The following ZBTB44 variants were observed in gnomAD, a reference collection of about 807,000 sequenced individuals.
ZBTB44 encodes zinc finger and BTB domain containing 44.
Under a neutral mutation model 54.0 loss-of-function variants are expected in ZBTB44, and 15 were observed. That is an observed-to-expected ratio of 0.28 (90% CI 0.19 to 0.43). ZBTB44 has a LOEUF of 0.43. Among genes scored for constraint, ZBTB44 ranks in the 20% least tolerant of loss-of-function variants. The pLI, the probability that ZBTB44 is intolerant of heterozygous loss-of-function variation, is 1.00. For missense variants in ZBTB44, 487 were observed against 707.1 expected, an observed-to-expected ratio of 0.69 and a Z score of 3.53; for synonymous variants, 230 against 250.1, an observed-to-expected ratio of 0.92 and a Z score of 0.76.
At chr11:130,312,928 A>T (rs1942706279) in intron 1 of ZBTB44, among the ~76,000 whole-genome samples, 1 of 152,216 alleles carries the variant, frequency 6.6e-6, no homozygotes. Context: ...ACTTTCAAAT[A>T]ATTACACACA....
chr11:130,312,624 G>A (rs1333609098), intron 1 of ZBTB44, among the ~76,000 whole-genome samples: 2 of 152,090 alleles, frequency 1.3e-5, no homozygotes, highest in Non-Finnish European at 2.9e-5. Flanking sequence ...AAAAAAAGAA[G>A]GGAGGGAATA....
intron 1 of ZBTB44, chr11:130,296,750 T>A: frequency 1.2e-6 from 1 of 834,018 alleles, no homozygotes; most frequent in Non-Finnish European, 2.1e-6. Flanking sequence ...AGAAATTGAT[T>A]GAAAAGAACT....
intron 2 of ZBTB44, among the ~76,000 whole-genome samples, chr11:130,248,088 A>G (rs983643545): frequency 2.0e-5 from 3 of 152,228 alleles, no homozygotes; most frequent in Admixed American, 2.0e-4. Context: ...TACACTAAAC[A>G]TTATATTTTC....
intron 1 of ZBTB44, chr11:130,296,747 G>A (rs188759989): frequency 8.1e-6 from 7 of 860,992 alleles, no homozygotes; most frequent in Non-Finnish European, 1.4e-5. Context: ...TTGAGAAATT[G>A]ATTGAAAAGA....
chr11:130,290,473 A>G (rs899352929), intron 1 of ZBTB44, among the ~76,000 whole-genome samples: 1 of 152,210 alleles, frequency 6.6e-6, no homozygotes, highest in African/African-American at 2.4e-5. Flanking sequence ...CCTGGTCACC[A>G]AGACCTATCT....
At chr11:130,246,218 A>T (rs1954638553) in intron 2 of ZBTB44, among the ~76,000 whole-genome samples, 1 of 152,222 alleles carries the variant, frequency 6.6e-6, no homozygotes, top group Admixed American at 6.5e-5. Context: ...AACACAAGTA[A>T]TCATATGAAT....
chr11:130,275,966 C>T (rs1250577500), intron 1 of ZBTB44, among the ~76,000 whole-genome samples: 2 of 151,226 alleles, frequency 1.3e-5, no homozygotes, highest in East Asian at 2.0e-4. Context: ...GTGGCTCACG[C>T]CTGTAATCCC....
chr11:130,264,671 T>C (rs1384979343), intron 1 of ZBTB44, among the ~76,000 whole-genome samples: 1 of 152,184 alleles, frequency 6.6e-6, no homozygotes, highest in Non-Finnish European at 1.5e-5. Flanking sequence ...TTCTCTACCA[T>C]ATATTTATCA....
intron 1 of ZBTB44, chr11:130,295,811 T>C: frequency 7.2e-7 from 1 of 1,393,074 alleles, no homozygotes; most frequent in Non-Finnish European, 1.0e-6. Flanking sequence ...TGCGGAGTCC[T>C]TGTTCTCTCA....
chr11:130,257,832 G>C (rs1415648775), intron 2 of ZBTB44, among the ~76,000 whole-genome samples: 1 of 152,058 alleles, frequency 6.6e-6, no homozygotes, highest in Non-Finnish European at 1.5e-5. Flanking sequence ...CCTGAATATA[G>C]GTATTCCCCA....
At chr11:130,275,418 A>G (rs188399179) in intron 1 of ZBTB44, among the ~76,000 whole-genome samples, 18 of 152,290 alleles carry the variant, frequency 1.2e-4, no homozygotes, top group African/African-American at 3.6e-4. Flanking sequence ...GGCTCAAGCG[A>G]TTCTCCTGCC....
At chr11:130,276,923 TAA>T (rs1488115126) in intron 1 of ZBTB44, among the ~76,000 whole-genome samples, 1 of 152,248 alleles carries the variant, frequency 6.6e-6, no homozygotes. Context: ...CTTTTTGTTA[TAA>T]AGTCTATTTG....
intron 2 of ZBTB44, among the ~76,000 whole-genome samples, chr11:130,241,794 A>T (rs4597080): frequency 6.6e-6 from 1 of 152,124 alleles, no homozygotes; most frequent in Non-Finnish European, 1.5e-5. Context: ...TATGAAAAGT[A>T]TCATGTTTTG....
At chr11:130,302,523 A>G (rs950587337) in intron 1 of ZBTB44, among the ~76,000 whole-genome samples, 42 of 152,248 alleles carry the variant, frequency 2.8e-4, no homozygotes, top group Admixed American at 1.8e-3. Context: ...AGTAATGGAA[A>G]GCCACAAAAA....
chr11:130,290,629 A>G (rs2134356317), intron 1 of ZBTB44, among the ~76,000 whole-genome samples: 1 of 152,312 alleles, frequency 6.6e-6, no homozygotes, highest in South Asian at 2.1e-4. Flanking sequence ...CTAAAATACA[A>G]TTATCTGAGT....
rs1953852708 is a variant in ZBTB44, at chr11:130,230,891, A to G, written c.*873T>C. ...GAACATCTTTGTTTACTTCTAAAGT[A>G]CATCACACCTATTTGGTAGTTAAAA... is the stretch of plus-strand genomic sequence containing the variant. On this transcript the variant is annotated 3_prime_UTR_variant, in exon 8 of 8. Coordinates refer to ENST00000357899, the MANE Select transcript of ZBTB44 (RefSeq NM_001301098.2). 2 of 152,160 alleles carry G rather than the reference A, an allele frequency of 1.3e-5. No homozygotes were observed. The highest frequency in any genetic ancestry group is 2.4e-5 in the African/African-American group (1 of 41,468). The allele number at this position is 152,160 out of a possible 1,614,324, so 9.4% of individuals were successfully genotyped here. A position where few individuals can be genotyped will look rare whatever the true frequency, so the allele number is the denominator to read the frequency against.
chr11:130,237,083 T>A lies in ZBTB44; in HGVS notation c.1278A>T (p.Pro426=), dbSNP rs1306289064. 1 of 1,569,454 alleles carries A rather than the reference T, an allele frequency of 6.4e-7. No individual in the cohort carries two copies. The highest frequency in any genetic ancestry group is 2.3e-5 in the East Asian group (1 of 42,640). ...TTTTCCCACAGCGGTCACACTGAAA[T>A]GGTTTAATTCCTGTAAATAAAGCAA... ...QHMLIHSGIK[P]FQCDRCGKKF... The change falls in exon 5 of 8, where the codon CCA becomes CCT. Residue 426 remains proline (P), a synonymous_variant. Transcript: ENST00000357899.
At chr11:130,311,016 T>C (rs753515469) in intron 1 of ZBTB44, among the ~76,000 whole-genome samples, 6 of 152,208 alleles carry the variant, frequency 3.9e-5, no homozygotes, top group Non-Finnish European at 7.3e-5. Flanking sequence ...ATCAAATTGG[T>C]AGCATAACCA....
intron 1 of ZBTB44, chr11:130,296,155 A>C: frequency 7.0e-7 from 1 of 1,431,950 alleles, no homozygotes; most frequent in Non-Finnish European, 9.7e-7. Flanking sequence ...CCAAACTCGA[A>C]AAGTTTTGAA....
Sources: allele counts gnomAD v4.1 joint callset (sites outside exome capture counted in the v4.1 genomes callset), GRCh38; gene constraint gnomAD v4.1.1; transcripts MANE v1.5; gene names NCBI Gene and HGNC (gene_info 2026-07-23, HGNC 2026-07-21).